Variants in LPGAT1 observed in about 807,000 individuals in gnomAD.
LPGAT1 encodes lysophosphatidylglycerol acyltransferase 1.
A neutral mutation model predicts 47.5 loss-of-function variants in LPGAT1; 11 were observed. The ratio of observed to expected loss-of-function variants is 0.23; its 90% CI spans 0.15 to 0.38. The LOEUF (loss-of-function observed/expected upper bound fraction) is 0.38. Ranked by LOEUF, LPGAT1 falls within the 10% of genes least tolerant of loss-of-function variation. The pLI is 1.00. For synonymous variants in LPGAT1, 138 were observed against 144.2 expected (o/e 0.96, Z 0.31); for missense variants, 293 against 439.0 (o/e 0.67, Z 2.97).
chr1:211,813,726 T>C (rs1242473791), intron 2 of LPGAT1, among the ~76,000 whole-genome samples: 1 of 152,226 alleles, frequency 6.6e-6, no homozygotes, highest in Non-Finnish European at 1.5e-5. Flanking sequence ...ATCAGGTTGA[T>C]TGCAAATGTT....
chr1:211,811,066 G>C (rs1228932059), intron 2 of LPGAT1, among the ~76,000 whole-genome samples: 1 of 152,174 alleles, frequency 6.6e-6, no homozygotes, highest in African/African-American at 2.4e-5. Flanking sequence ...CTAGTCTCTT[G>C]CTGATATTTG....
At chr1:211,750,532 T>A (rs1657132073) in intron 7 of LPGAT1, among the ~76,000 whole-genome samples, 1 of 152,230 alleles carries the variant, frequency 6.6e-6, no homozygotes, top group South Asian at 2.1e-4. Context: ...GAGATTGACA[T>A]GAAATAATTT....
chr1:211,801,923 A>T (rs1659589117), intron 2 of LPGAT1, among the ~76,000 whole-genome samples: 2 of 151,298 alleles, frequency 1.3e-5, no homozygotes, highest in African/African-American at 4.9e-5. Context: ...CTACTAAAAA[A>T]AAATTTTTTT....
chr1:211,825,486 A>T (rs1660517873), intron 2 of LPGAT1, among the ~76,000 whole-genome samples: 2 of 152,182 alleles, frequency 1.3e-5, no homozygotes, highest in African/African-American at 2.4e-5. Context: ...ACATTTACCA[A>T]TCATCACTTA....
chr1:211,816,783 G>C (rs755883462), intron 2 of LPGAT1, among the ~76,000 whole-genome samples: 30 of 152,252 alleles, frequency 2.0e-4, no homozygotes, highest in Middle Eastern at 3.4e-3. Context: ...CTGAAGCTCA[G>C]AGAAATTAAG....
At chr1:211,809,966 G>A (rs1462594638) in intron 2 of LPGAT1, among the ~76,000 whole-genome samples, 1 of 152,096 alleles carries the variant, frequency 6.6e-6, no homozygotes, top group African/African-American at 2.4e-5. Flanking sequence ...ATACCTCTCT[G>A]TTTTGCTAAC....
At chr1:211,751,667 T>A (rs1657191698) in intron 6 of LPGAT1, among the ~76,000 whole-genome samples, 1 of 152,184 alleles carries the variant, frequency 6.6e-6, no homozygotes, top group African/African-American at 2.4e-5. Flanking sequence ...GTGATACCCA[T>A]GGACTGAGAG....
intron 6 of LPGAT1, among the ~76,000 whole-genome samples, chr1:211,763,948 G>A (rs1297601978): frequency 6.6e-6 from 1 of 152,134 alleles, no homozygotes; most frequent in Non-Finnish European, 1.5e-5. Flanking sequence ...AAGGCGGGTG[G>A]ATCACCTGAG....
chr1:211,820,179 A>T (rs964561028), intron 2 of LPGAT1, among the ~76,000 whole-genome samples: 3 of 152,204 alleles, frequency 2.0e-5, no homozygotes, highest in Non-Finnish European at 4.4e-5. Context: ...TCATATGTGA[A>T]AAAGACTACC....
At chr1:211,770,007 T>C (rs1399048749) in intron 6 of LPGAT1, among the ~76,000 whole-genome samples, 3 of 152,188 alleles carry the variant, frequency 2.0e-5, no homozygotes, top group Non-Finnish European at 4.4e-5. Context: ...CTATTAGACA[T>C]ACTAGTGAAG....
At chr1:211,809,289 A>G (rs1659879379) in intron 2 of LPGAT1, among the ~76,000 whole-genome samples, 2 of 152,128 alleles carry the variant, frequency 1.3e-5, no homozygotes, top group Non-Finnish European at 2.9e-5. Flanking sequence ...ATGTCCCAAT[A>G]ACAGCACTTC....
chr1:211,743,798 CA>C lies in LPGAT1; in HGVS notation c.*6100del, dbSNP rs1265203333. ...AGAAATTAGAATCTCACCAAAACAG[CA>C]GCCTAAATACAGATAGAAAAATAAG... On this transcript the variant is annotated 3_prime_UTR_variant, in exon 8 of 8. Coordinates refer to ENST00000366997, the MANE Select transcript of LPGAT1 (RefSeq NM_014873.3). 1 of 152,124 alleles carries C rather than the reference CA, an allele frequency of 6.6e-6. No homozygotes were observed. The highest frequency in any genetic ancestry group is 1.5e-5 in the Non-Finnish European group (1 of 68,030). The allele number at this position is 152,124 out of a possible 1,614,324, so 9.4% of individuals were successfully genotyped here. A position where few individuals can be genotyped will look rare whatever the true frequency, so the allele number is the denominator to read the frequency against.
At chr1:211,777,386 A>AT (rs779997796) in intron 6 of LPGAT1, among the ~76,000 whole-genome samples, 2 of 152,210 alleles carry the variant, frequency 1.3e-5, no homozygotes. Context: ...AAAGAAAAGT[A>AT]TATCTCCTCA....
intron 7 of LPGAT1, among the ~76,000 whole-genome samples, chr1:211,750,309 C>T (rs1236335400): frequency 6.6e-6 from 1 of 152,196 alleles, no homozygotes; most frequent in Non-Finnish European, 1.5e-5. Context: ...TGCATCCTTT[C>T]CATATCAGAA....
At chr1:211,751,140 T>C in intron 6 of LPGAT1, 73 bp from the exon 7 acceptor site, 1 of 951,342 alleles carries the variant, frequency 1.1e-6, no homozygotes, top group South Asian at 1.6e-5. Context: ...CCACAACTTA[T>C]GATGAAAAGC....
At chr1:211,760,282 C>G (rs536126684) in intron 6 of LPGAT1, among the ~76,000 whole-genome samples, 1 of 152,004 alleles carries the variant, frequency 6.6e-6, no homozygotes. Context: ...AGAGAAACCC[C>G]GTCTCTACTA....
chr1:211,750,137 T>G (rs1339126599), intron 7 of LPGAT1, 87 bp from the exon 8 acceptor site: 1 of 1,205,380 alleles, frequency 8.3e-7, no homozygotes, highest in African/African-American at 1.5e-5. Flanking sequence ...TAACTACATT[T>G]GTACATGTTA....
chr1:211,753,038 T>C (rs1419520402), intron 6 of LPGAT1, among the ~76,000 whole-genome samples: 1 of 152,170 alleles, frequency 6.6e-6, no homozygotes, highest in Non-Finnish European at 1.5e-5. Flanking sequence ...AGACCTGTGG[T>C]CTAAATCTTC....
At chr1:211,791,634 C>A (rs1486264061) in intron 3 of LPGAT1, among the ~76,000 whole-genome samples, 2 of 151,906 alleles carry the variant, frequency 1.3e-5, no homozygotes, top group Non-Finnish European at 2.9e-5. Context: ...ATAGTCCCAG[C>A]TGCTTGGGAG....
Sources: allele counts gnomAD v4.1 joint callset (sites outside exome capture counted in the v4.1 genomes callset), GRCh38; gene constraint gnomAD v4.1.1; transcripts MANE v1.5; gene names NCBI Gene and HGNC (gene_info 2026-07-23, HGNC 2026-07-21).